The following FAM168A variants were observed in gnomAD, a reference collection of about 807,000 sequenced individuals.
The protein encoded by FAM168A is protein FAM168A.
In FAM168A, 3 loss-of-function variants were observed where a neutral mutation model predicts 28.5. The observed-to-expected ratio is 0.11, with a 90% confidence interval of 0.05 to 0.27. The LOEUF is 0.27. Among genes scored for constraint, FAM168A ranks in the 10% least tolerant of loss-of-function variants. The pLI, the probability that FAM168A is intolerant of heterozygous loss-of-function variation, is 1.00. For missense variants in FAM168A, 222 were observed against 311.5 expected, an observed-to-expected ratio of 0.71 and a Z score of 2.16; for synonymous variants, 122 against 124.2, an observed-to-expected ratio of 0.98 and a Z score of 0.12.
chr11:73,501,480 TAACA>T (rs1347716165), intron 1 of FAM168A, among the ~76,000 whole-genome samples: 2 of 152,144 alleles, frequency 1.3e-5, no homozygotes, highest in Admixed American at 6.5e-5. Context: ...ACTGAAATCA[TAACA>T]AACAGTCTCT....
intron 1 of FAM168A, among the ~76,000 whole-genome samples, chr11:73,589,149 A>G (rs1944351220): frequency 6.6e-6 from 1 of 152,270 alleles, no homozygotes; most frequent in African/African-American, 2.4e-5. Context: ...TAAGATATTC[A>G]GTGAACCAAT....
chr11:73,577,652 G>A (rs1222657274), intron 1 of FAM168A, among the ~76,000 whole-genome samples: 1 of 152,110 alleles, frequency 6.6e-6, no homozygotes, highest in East Asian at 1.9e-4. Flanking sequence ...TTCACACTGA[G>A]AAAACTGAGG....
intron 2 of FAM168A, among the ~76,000 whole-genome samples, chr11:73,440,447 G>C (rs908622951): frequency 1.3e-5 from 2 of 152,106 alleles, no homozygotes; most frequent in African/African-American, 2.4e-5. Flanking sequence ...ACAAGAGTTT[G>C]AGACTTGCCT....
intron 1 of FAM168A, among the ~76,000 whole-genome samples, chr11:73,574,660 T>C (rs1944149656): frequency 6.6e-6 from 1 of 151,876 alleles, no homozygotes; most frequent in Non-Finnish European, 1.5e-5. Context: ...CCTTCCAGGT[T>C]CAAGTGATTC....
intron 1 of FAM168A, among the ~76,000 whole-genome samples, chr11:73,475,641 A>T (rs889197786): frequency 1.0e-3 from 116 of 116,064 alleles, no homozygotes; most frequent in African/African-American, 3.9e-3. Context: ...ATGAAATGTT[A>T]AAAAAAAAAC....
chr11:73,487,712 T>C (rs1016530255), intron 1 of FAM168A, among the ~76,000 whole-genome samples: 1 of 152,188 alleles, frequency 6.6e-6, no homozygotes, highest in African/African-American at 2.4e-5. Flanking sequence ...TTATTACTAA[T>C]AACTGAAACC....
In FAM168A at chr11:73,496,196, TAAGTA is replaced by T. The variant is rs544468917; in HGVS notation, c.-18-27709_-18-27705del. 1.6e-4 allele frequency among the ~76,000 whole-genome samples: 24 copies of T among 152,324 alleles called. No homozygotes were observed. In the South Asian group the frequency reaches 4.8e-3, roughly 30 times the overall value. On this transcript the variant is annotated intron_variant, in intron 1 of 7. Transcript: ENST00000356467. ...TGCATGAATCTTGAGGACGTTATGCTAAGTAAAGTAAGCTACTCACAAAACGACAA... is the reference window on the plus strand; with the variant it reads ...TGCATGAATCTTGAGGACGTTATGCTAAGTAAGCTACTCACAAAACGACAA...
chr11:73,544,885 T>C (rs58448895), intron 1 of FAM168A, among the ~76,000 whole-genome samples: 1 of 92,788 alleles, frequency 1.1e-5, no homozygotes, highest in Non-Finnish European at 1.9e-5. Flanking sequence ...ATATTATATA[T>C]AAAATATAAA....
chr11:73,450,123 CT>C (rs1434911644), intron 2 of FAM168A, among the ~76,000 whole-genome samples: 1 of 152,216 alleles, frequency 6.6e-6, no homozygotes, highest in Non-Finnish European at 1.5e-5. Flanking sequence ...GCTTGCATCC[CT>C]GTGTCCAGGG....
At chr11:73,584,887 C>T (rs1944293232) in intron 1 of FAM168A, among the ~76,000 whole-genome samples, 1 of 132,296 alleles carries the variant, frequency 7.6e-6, no homozygotes, top group African/African-American at 4.1e-5. Context: ...AGAGTCCGAG[C>T]ACTCTGGGAA....
chr11:73,409,706 G>T, intron 5 of FAM168A, 45 bp from the exon 6 acceptor site: 1 of 1,560,530 alleles, frequency 6.4e-7, no homozygotes, highest in Non-Finnish European at 8.7e-7. Context: ...GGAGAGGTAG[G>T]TGGGATATGG....
At chr11:73,563,565 G>GA (rs200931159) in intron 1 of FAM168A, among the ~76,000 whole-genome samples, 11 of 148,810 alleles carry the variant, frequency 7.4e-5, no homozygotes, top group Non-Finnish European at 1.2e-4. Flanking sequence ...CAAGTTGAAA[G>GA]AAAAAAAAAA....
At position 73,453,679 on chromosome 11, in the gene FAM168A, G is replaced by T. The variant is rs1867473317; in HGVS notation, c.70+14726C>A. On this transcript the variant is annotated intron_variant, in intron 2 of 7. Transcript: ENST00000356467. The stretch of plus-strand genomic sequence containing the variant: ...GGAAACTGAGGCCATTGGAAGTAAA[G>T]GAACTTATTAAAGTTTTTAGAGGCA... Among the ~76,000 whole-genome samples, 3 of 152,170 alleles carry T rather than the reference G, an allele frequency of 2.0e-5. No homozygotes were observed. In the South Asian group the frequency reaches 6.2e-4, roughly 32 times the overall value.
chr11:73,522,343 G>A (rs1271906901), intron 1 of FAM168A, among the ~76,000 whole-genome samples: 4 of 151,942 alleles, frequency 2.6e-5, no homozygotes, highest in African/African-American at 7.3e-5. Context: ...GTTTTGAGAC[G>A]GAGTCTCGTT....
At chr11:73,499,605 T>C (rs1472584494) in intron 1 of FAM168A, among the ~76,000 whole-genome samples, 3 of 152,030 alleles carry the variant, frequency 2.0e-5, no homozygotes, top group Non-Finnish European at 4.4e-5. Flanking sequence ...TCTAACCCAA[T>C]GCAAAGAAGC....
chr11:73,474,675 T>C (rs1867863493), intron 1 of FAM168A, among the ~76,000 whole-genome samples: 1 of 152,224 alleles, frequency 6.6e-6, no homozygotes, highest in Admixed American at 6.5e-5. Context: ...TTCTTGTTTA[T>C]TCTTTCCCCC....
At chr11:73,562,773 C>A (rs1735325714) in intron 1 of FAM168A, among the ~76,000 whole-genome samples, 1 of 152,056 alleles carries the variant, frequency 6.6e-6, no homozygotes, top group South Asian at 2.1e-4. Flanking sequence ...TTGCAGTGAG[C>A]CAAGATCGCA....
chr11:73,547,862 A>AC (rs1943778584), intron 1 of FAM168A, among the ~76,000 whole-genome samples: 1 of 152,136 alleles, frequency 6.6e-6, no homozygotes, highest in Non-Finnish European at 1.5e-5. Context: ...AAAAAAAAAA[A>AC]ACACATGGTA....
rs1278865696 is a variant in FAM168A, at chr11:73,502,461, T to C, written c.-18-33969A>G. Among the ~76,000 whole-genome samples the C allele has an allele frequency of 3.3e-5, 5 of 152,282 alleles. No individual in the cohort carries two copies. The Middle Eastern group carries it at 0.01, about 311-fold the overall frequency. ...CTAAACCAGGAAGAACTCAGATCCC[T>C]GAATAGACTGATAAGAAGTCTGAAA... On this transcript the variant is annotated intron_variant, in intron 1 of 7. Transcript: ENST00000356467.
Sources: allele counts gnomAD v4.1 joint callset (sites outside exome capture counted in the v4.1 genomes callset), GRCh38; gene constraint gnomAD v4.1.1; transcripts MANE v1.5; gene names NCBI Gene and HGNC (gene_info 2026-07-23, HGNC 2026-07-21).